AMOTL1: variants seen among roughly 807,000 people sequenced by gnomAD.
AMOTL1 encodes angiomotin like 1.
A neutral mutation model predicts 102.9 loss-of-function variants in AMOTL1; 45 were observed. The ratio of observed to expected loss-of-function variants is 0.44; its 90% CI spans 0.34 to 0.56. The LOEUF (loss-of-function observed/expected upper bound fraction) is 0.56. Among genes scored for constraint, AMOTL1 ranks in the 20% least tolerant of loss-of-function variants. AMOTL1 has a pLI of 0.01. For missense variants in AMOTL1, 1,114 were observed against 1,225.6 expected (o/e 0.91, Z 1.36); for synonymous variants, 481 against 484.7 (o/e 0.99, Z 0.10).
intron 2 of AMOTL1, among the ~76,000 whole-genome samples, chr11:94,732,570 G>A (rs1950371206): frequency 6.6e-6 from 1 of 152,210 alleles, no homozygotes; most frequent in Admixed American, 6.5e-5. Flanking sequence ...AAGGGAGACA[G>A]TGTTTGGCCA....
intron 1 of AMOTL1, among the ~76,000 whole-genome samples, chr11:94,792,256 TG>T (rs1425273995): frequency 6.6e-6 from 1 of 151,902 alleles, no homozygotes; most frequent in Non-Finnish European, 1.5e-5. Flanking sequence ...CACTCATAGG[TG>T]GGAATTGAAC....
rs753405009 is a variant in AMOTL1, at chr11:94,864,827, A to G, written c.2228A>G (p.Gln743Arg). Residue 743 changes from glutamine to arginine, a missense_variant, in exon 10 of 13, where the codon CAG (glutamine) becomes CGG (arginine). Physicochemically the swap from Gln to Arg is conservative, Grantham distance 43 (BLOSUM62 1). Coordinates refer to ENST00000433060, the MANE Select transcript of AMOTL1 (RefSeq NM_130847.3). ...HIWQEEEEVVQANRRCQDMEY... is the reference protein window; with the variant it reads ...HIWQEEEEVVRANRRCQDMEY... ...TGGCAAGAGGAGGAGGAGGTGGTGC[A>G]GGCCAACAGAAGGTGTCAGGACATG... The G allele has an allele frequency of 6.2e-7, 1 of 1,613,724 alleles. No homozygotes were observed. Among genetic ancestry groups the G allele is most frequent in the Non-Finnish European group, 8.5e-7 (1 of 1,179,776 alleles).
In AMOTL1 at chr11:94,848,883, G is replaced by A. The variant is rs115512280; in HGVS notation, c.1649-1231G>A. 2.4e-3 allele frequency among the ~76,000 whole-genome samples: 362 copies of A among 152,180 alleles called. 1 individual carries two copies. Among genetic ancestry groups the A allele is most frequent in the African/African-American group, 8.0e-3 (333 of 41,508 alleles). ...TAGTGCTGGTCCTAAATAATTATTC[G>A]TTAAATTAACGAATGAATATAGACA... On this transcript the variant is annotated intron_variant, in intron 6 of 12. Transcript: ENST00000433060.
intron 1 of AMOTL1, among the ~76,000 whole-genome samples, chr11:94,726,958 G>A (rs913801617): frequency 2.0e-5 from 3 of 152,162 alleles, no homozygotes; most frequent in African/African-American, 7.2e-5. Context: ...AGGGGTTGCA[G>A]GTTGAAGTTA....
chr11:94,740,320 G>C (rs1565334708), intron 2 of AMOTL1: 2 of 152,212 alleles, frequency 1.3e-5, no homozygotes, highest in South Asian at 4.1e-4. Context: ...AACAGAGCAG[G>C]GAATCGGGTT....
At chr11:94,817,068 G>A (rs2135615258) in intron 3 of AMOTL1, among the ~76,000 whole-genome samples, 1 of 152,112 alleles carries the variant, frequency 6.6e-6, no homozygotes, top group South Asian at 2.1e-4. Flanking sequence ...AAAGATTTAT[G>A]GAAATTATAT....
chr11:94,796,638 A>T (rs1416343788), intron 2 of AMOTL1, among the ~76,000 whole-genome samples: 1 of 152,204 alleles, frequency 6.6e-6, no homozygotes, highest in Non-Finnish European at 1.5e-5. Flanking sequence ...TTGTTGGTGT[A>T]GAAACTAGGG....
chr11:94,725,405 G>A (rs1950240858), intron 1 of AMOTL1, among the ~76,000 whole-genome samples: 1 of 152,090 alleles, frequency 6.6e-6, no homozygotes, highest in Non-Finnish European at 1.5e-5. Context: ...ATGTTAAGCT[G>A]AAATACACTT....
chr11:94,758,882 G>T (rs1043431678), intron 3 of AMOTL1, among the ~76,000 whole-genome samples: 1 of 152,052 alleles, frequency 6.6e-6, no homozygotes, highest in Non-Finnish European at 1.5e-5. Flanking sequence ...CCAAGGCCAC[G>T]CTGCTCTCTG....
rs776055082 is a variant in AMOTL1, at chr11:94,875,900, A to C, written c.*5105A>C. 2 of 152,604 alleles carry C rather than the reference A, an allele frequency of 1.3e-5. No individual in the cohort carries two copies. Among genetic ancestry groups the C allele is most frequent in the Non-Finnish European group, 2.9e-5 (2 of 68,040 alleles). The allele number at this position is 152,604 out of a possible 1,614,324, so 9.5% of individuals were successfully genotyped here. ...CTGCATACACTACAGATATAAGTGC[A>C]TAATCATTCATATAAACATCTGGTA... is the stretch of plus-strand genomic sequence containing the variant. On this transcript the variant is annotated 3_prime_UTR_variant, in exon 13 of 13. Coordinates refer to ENST00000433060, the MANE Select transcript of AMOTL1 (RefSeq NM_130847.3).
intron 6 of AMOTL1, among the ~76,000 whole-genome samples, chr11:94,845,667 C>T (rs1051450775): frequency 1.3e-5 from 2 of 152,164 alleles, no homozygotes; most frequent in African/African-American, 4.8e-5. Context: ...GTCATGTGTC[C>T]AAGGTGAGCT....
intron 2 of AMOTL1, among the ~76,000 whole-genome samples, chr11:94,732,401 A>G (rs1196889437): frequency 5.3e-5 from 8 of 152,166 alleles, no homozygotes. Context: ...TTTGGGGGTG[A>G]TAAGGAGTTT....
chr11:94,873,331 GTCT>G lies in AMOTL1; in HGVS notation c.*2543_*2545del, dbSNP rs897685743. The G allele has an allele frequency of 6.6e-6, 1 of 152,034 alleles. No homozygotes were observed. Among genetic ancestry groups the G allele is most frequent in the African/African-American group, 2.4e-5 (1 of 41,374 alleles). The allele number at this position is 152,034 out of a possible 1,614,324, so 9.4% of individuals were successfully genotyped here. On this transcript the variant is annotated 3_prime_UTR_variant, in exon 13 of 13. Coordinates refer to ENST00000433060, the MANE Select transcript of AMOTL1 (RefSeq NM_130847.3). The stretch of plus-strand genomic sequence containing the variant: ...AGAACAGGATCTATAGCTTTAAAAT[GTCT>G]TCTTCTATGGGAAATTTCCTGCCAA...
At chr11:94,756,551 C>A (rs1950727608) in intron 3 of AMOTL1, among the ~76,000 whole-genome samples, 1 of 152,146 alleles carries the variant, frequency 6.6e-6, no homozygotes, top group Admixed American at 6.5e-5. Flanking sequence ...GGTCAGGACC[C>A]CGTTAAACTG....
At chr11:94,710,928 T>A (rs1950014436) in intron 1 of AMOTL1, among the ~76,000 whole-genome samples, 1 of 152,180 alleles carries the variant, frequency 6.6e-6, no homozygotes, top group Non-Finnish European at 1.5e-5. Context: ...CAATATATTA[T>A]AACTATTTAT....
intron 8 of AMOTL1, among the ~76,000 whole-genome samples, chr11:94,856,966 C>A (rs1459557065): frequency 6.6e-6 from 1 of 152,090 alleles, no homozygotes; most frequent in Non-Finnish European, 1.5e-5. Flanking sequence ...CCAATTATTT[C>A]AATTATTTCT....
intron 3 of AMOTL1, among the ~76,000 whole-genome samples, chr11:94,748,052 T>G (rs988866886): frequency 1.3e-5 from 2 of 152,246 alleles, no homozygotes; most frequent in African/African-American, 4.8e-5. Context: ...ATTTCTCTTA[T>G]TGCTCAAACC....
chr11:94,743,483 T>C (rs1466571197), intron 3 of AMOTL1, among the ~76,000 whole-genome samples: 1 of 152,092 alleles, frequency 6.6e-6, no homozygotes, highest in Non-Finnish European at 1.5e-5. Context: ...GGTTTTTTGG[T>C]GCTTTTCTTA....
At chr11:94,743,651 CTTTTTTTTTT>C (rs760828820) in intron 3 of AMOTL1, among the ~76,000 whole-genome samples, 1 of 98,188 alleles carries the variant, frequency 1.0e-5, no homozygotes, top group Non-Finnish European at 1.8e-5. Flanking sequence ...CACAATACTT[CTTTTTTTTTT>C]TTTTTTTTTT....
Sources: gnomAD v4.1 joint callset for allele counts (sites outside exome capture counted in the v4.1 genomes callset) on GRCh38, gnomAD v4.1.1 for gene constraint, MANE v1.5 for transcripts, NCBI Gene and HGNC (gene_info 2026-07-23, HGNC 2026-07-21) for gene names.